The following CADM2 variants were observed in gnomAD, a reference collection of about 807,000 sequenced individuals.
CADM2 encodes immunoglobulin superfamily member 4D.
CADM2 carries 12 observed loss-of-function variants against 49.8 expected under a neutral mutation model. That is an observed-to-expected ratio of 0.24 (90% CI 0.15 to 0.39). The LOEUF (loss-of-function observed/expected upper bound fraction) is 0.39, where lower values mean the gene tolerates loss of function less well. CADM2 is among the 10% of genes least tolerant of loss of function. The probability of loss-of-function intolerance (pLI) is 1.00; values close to 1 mark genes in which losing one functional copy is unlikely to be tolerated. For synonymous variants in CADM2, 214 were observed against 175.4 expected (o/e 1.22, Z -1.74); for missense variants, 378 against 492.3 (o/e 0.77, Z 2.20).
In CADM2 at chr3:85,539,388, G is replaced by A. The variant is rs993220902; in HGVS notation, c.62-187134G>A. Among the ~76,000 whole-genome samples the A allele has an allele frequency of 5.3e-5, 8 of 151,898 alleles. No homozygotes were observed. In the South Asian group the frequency reaches 6.2e-4, roughly 12 times the overall value. On this transcript the variant is annotated intron_variant, in intron 1 of 9. Transcript: ENST00000383699. Reference sequence around the variant, plus strand: ...GTCATGAACTACTTCCAGAACATGCGAAGCATTTGAAGTTTTCAGAGTATC... The same window carrying A: ...GTCATGAACTACTTCCAGAACATGCAAAGCATTTGAAGTTTTCAGAGTATC...
At chr3:85,319,636 T>G (rs567517604) in intron 1 of CADM2, among the ~76,000 whole-genome samples, 1 of 152,328 alleles carries the variant, frequency 6.6e-6, no homozygotes, top group East Asian at 1.9e-4. Flanking sequence ...ATCATGTCCT[T>G]TACAGGAACA....
intron 1 of CADM2, among the ~76,000 whole-genome samples, chr3:85,071,245 ATG>A (rs2036732099): frequency 6.6e-6 from 1 of 151,788 alleles, no homozygotes; most frequent in Non-Finnish European, 1.5e-5. Flanking sequence ...AATAAAATAA[ATG>A]AGAGAGGGAG....
At chr3:85,011,874 A>T (rs1370703487) in intron 1 of CADM2, among the ~76,000 whole-genome samples, 1 of 152,172 alleles carries the variant, frequency 6.6e-6, no homozygotes, top group Non-Finnish European at 1.5e-5. Flanking sequence ...CCTGTCTCAA[A>T]AAATAAATAA....
chr3:85,133,675 C>T (rs1293814050), intron 1 of CADM2, among the ~76,000 whole-genome samples: 1 of 152,218 alleles, frequency 6.6e-6, no homozygotes, highest in Admixed American at 6.5e-5. Flanking sequence ...ACACAGGGTG[C>T]TGACTGGTGT....
chr3:85,660,875 C>G (rs1343779654), intron 1 of CADM2, among the ~76,000 whole-genome samples: 1 of 150,610 alleles, frequency 6.6e-6, no homozygotes, highest in East Asian at 2.0e-4. Flanking sequence ...AAAATCGTGA[C>G]TTCTAGTCCT....
intron 1 of CADM2, among the ~76,000 whole-genome samples, chr3:85,154,013 ACT>A (rs1369957490): frequency 6.6e-6 from 1 of 152,156 alleles, no homozygotes; most frequent in African/African-American, 2.4e-5. Flanking sequence ...AAAACTGGAA[ACT>A]CTAAAAAGCA....
intron 1 of CADM2, among the ~76,000 whole-genome samples, chr3:85,030,072 T>C (rs2034910520): frequency 6.6e-6 from 1 of 152,142 alleles, no homozygotes; most frequent in Admixed American, 6.5e-5. Context: ...AGCAACCCAC[T>C]CCTCTGGTCC....
chr3:85,688,837 G>A (rs2066294047), intron 1 of CADM2, among the ~76,000 whole-genome samples: 1 of 152,060 alleles, frequency 6.6e-6, no homozygotes, highest in Non-Finnish European at 1.5e-5. Context: ...CAATGTGCCA[G>A]GATTACAGGC....
intron 2 of CADM2, among the ~76,000 whole-genome samples, chr3:85,735,736 T>G (rs1290330323): frequency 6.6e-6 from 1 of 152,036 alleles, no homozygotes; most frequent in Non-Finnish European, 1.5e-5. Context: ...AGTGTAGATG[T>G]TTTGTTTGTT....
chr3:85,643,436 A>G (rs1329577625), intron 1 of CADM2, among the ~76,000 whole-genome samples: 3 of 152,224 alleles, frequency 2.0e-5, no homozygotes, highest in Admixed American at 6.5e-5. Flanking sequence ...ATTTGAAAAT[A>G]TGAGCGAAAG....
intron 1 of CADM2, among the ~76,000 whole-genome samples, chr3:85,651,692 T>C (rs2065045598): frequency 6.6e-6 from 1 of 152,206 alleles, no homozygotes; most frequent in Non-Finnish European, 1.5e-5. Context: ...CAGGTCATAC[T>C]AATGTAGGAT....
chr3:85,198,233 C>T (rs971673615), intron 1 of CADM2, among the ~76,000 whole-genome samples: 2 of 151,868 alleles, frequency 1.3e-5, no homozygotes, highest in East Asian at 3.9e-4. Context: ...CTAAAATACC[C>T]TAGCATTTCC....
intron 7 of CADM2, among the ~76,000 whole-genome samples, chr3:85,944,503 A>G (rs191103863): frequency 2.6e-4 from 39 of 152,154 alleles, no homozygotes; most frequent in African/African-American, 9.2e-4. Context: ...CTATTCCAAA[A>G]TTGACCACAG....
intron 1 of CADM2, among the ~76,000 whole-genome samples, chr3:85,447,030 A>ATG (rs1553724645): frequency 7.6e-6 from 1 of 132,184 alleles, no homozygotes; most frequent in Non-Finnish European, 1.6e-5. Flanking sequence ...ATATATATAT[A>ATG]TGCTTAGTAT....
At chr3:85,438,395 A>G (rs963606977) in intron 1 of CADM2, among the ~76,000 whole-genome samples, 4 of 151,920 alleles carry the variant, frequency 2.6e-5, no homozygotes, top group African/African-American at 9.7e-5. Flanking sequence ...ATACTTTTCA[A>G]CAACTATAAA....
At chr3:85,663,236 T>C (rs1038034056) in intron 1 of CADM2, among the ~76,000 whole-genome samples, 1 of 152,038 alleles carries the variant, frequency 6.6e-6, no homozygotes, top group African/African-American at 2.4e-5. Context: ...TGAAGATTAC[T>C]CCATACTCCC....
At chr3:85,148,554 T>C (rs2039823477) in intron 1 of CADM2, among the ~76,000 whole-genome samples, 1 of 152,122 alleles carries the variant, frequency 6.6e-6, no homozygotes, top group Non-Finnish European at 1.5e-5. Flanking sequence ...GTTAAAGAAC[T>C]CTCACAAAAC....
chr3:85,507,997 C>T (rs2040434424), intron 1 of CADM2, among the ~76,000 whole-genome samples: 1 of 152,126 alleles, frequency 6.6e-6, no homozygotes, highest in Non-Finnish European at 1.5e-5. Flanking sequence ...TAGTGAGTCT[C>T]CTTATCAATA....
At chr3:85,365,706 G>A (rs11127887) in intron 1 of CADM2, among the ~76,000 whole-genome samples, 39,523 of 152,020 alleles carry the variant, frequency 0.26, 5,344 homozygotes, top group South Asian at 0.34. Flanking sequence ...TTAAAATGGA[G>A]TAATTTTCAC....
Sources: gnomAD v4.1 joint callset for allele counts (sites outside exome capture counted in the v4.1 genomes callset) on GRCh38, gnomAD v4.1.1 for gene constraint, MANE v1.5 for transcripts, NCBI Gene and HGNC (gene_info 2026-07-23, HGNC 2026-07-21) for gene names.